Variants in CCNF observed in about 807,000 individuals in gnomAD.
The protein encoded by CCNF is cyclin-F.
CCNF carries 30 observed loss-of-function variants against 85.4 expected under a neutral mutation model. The observed-to-expected ratio is 0.35, with a 90% CI of 0.26 to 0.48. The LOEUF (loss-of-function observed/expected upper bound fraction) is 0.48. CCNF is among the 20% of genes least tolerant of loss of function. The pLI is 0.99. For missense variants in CCNF, 919 were observed against 1,010.4 expected, an observed-to-expected ratio of 0.91 and a Z score of 1.23; for synonymous variants, 439 against 425.1, an observed-to-expected ratio of 1.03 and a Z score of -0.40.
At chr16:2,431,083 A>G (rs1417772737) in intron 1 of CCNF, 47 bp from the exon 2 acceptor site, 4 of 1,591,642 alleles carry the variant, frequency 2.5e-6, no homozygotes. Flanking sequence ...GTGTGTATAT[A>G]GAATAATTTT....
In CCNF at chr16:2,453,181, A is replaced by G. The variant is rs1382811269; in HGVS notation, c.1488-29A>G. On this transcript the variant is annotated intron_variant, in intron 13 of 16. Transcript: ENST00000397066. The surrounding 1 kb of genome is among the most constrained non-coding windows in gnomAD (Gnocchi z 5.6). ...TAAAAATGGGGTGGGGGTGCCTCAC[A>G]TGTCCACTCCACGTGACTCTGTTTC... The G allele has an allele frequency of 6.3e-7, 1 of 1,598,436 alleles. No homozygotes were observed. The highest frequency in any genetic ancestry group is 1.3e-5 in the African/African-American group (1 of 74,616).
At position 2,451,250 on chromosome 16, in the gene CCNF, G is replaced by A. The variant is rs1171500056; in HGVS notation, c.1487+1335G>A. On this transcript the variant is annotated intron_variant, in intron 13 of 16. Transcript: ENST00000397066. This position sits in a 1 kb window ranked among gnomAD's most constrained non-coding sequence, Gnocchi z 4.3. ...CGCGGGGCAGGTGGCGCGGGCGGGG[G>A]CGACTCCCTTCAGGGAGCGTAGCCG... Among the ~76,000 whole-genome samples, 1 of 152,220 alleles carries A rather than the reference G, an allele frequency of 6.6e-6. No individual in the cohort carries two copies. The highest frequency in any genetic ancestry group is 2.4e-5 in the African/African-American group (1 of 41,458).
Position 2,443,699 on chromosome 16 carries a change from G to A in CCNF, c.828G>A (p.Val276=), listed in dbSNP as rs1298189003. ...CANANQLGLE[V]RASSEIVCQL... ...ATGCAAACCAGCTTGGACTGGAGGT[G>A]AGAGCTTCCAGTGAGATCGTCTGCC... Residue 276 remains valine (V), a synonymous_variant, in exon 9 of 17, where the codon GTG becomes GTA. Coordinates refer to ENST00000397066, the MANE Select transcript of CCNF (RefSeq NM_001761.3). The A allele has an allele frequency of 6.2e-7, 1 of 1,613,928 alleles. No homozygotes were observed. The highest frequency in any genetic ancestry group is 8.5e-7 in the Non-Finnish European group (1 of 1,179,800).
rs953595225 is a variant in CCNF at position 2,456,523 on chromosome 16, C to T, written c.1886-22C>T. On this transcript the variant is annotated intron_variant, in intron 16 of 16. Transcript: ENST00000397066. This position sits in a 1 kb window ranked among gnomAD's most constrained non-coding sequence, Gnocchi z 4.5. ...GATGCTTGGGTGTGACATGACTTCCCTCCCCACCAACCTTCCTGCAGTGAC... is the reference window on the plus strand; with the variant it reads ...GATGCTTGGGTGTGACATGACTTCCTTCCCCACCAACCTTCCTGCAGTGAC... The T allele has an allele frequency of 6.7e-7, 1 of 1,497,270 alleles. No individual in the cohort carries two copies. The highest frequency in any genetic ancestry group is 8.9e-7 in the Non-Finnish European group (1 of 1,120,972). 92.7% of individuals were successfully genotyped at this position (1,497,270 alleles called of 1,614,324 possible).
chr16:2,440,217 C>T (rs1416747997), intron 8 of CCNF, among the ~76,000 whole-genome samples: 3 of 152,192 alleles, frequency 2.0e-5, no homozygotes, highest in African/African-American at 7.2e-5. Flanking sequence ...TCCCTTCCTG[C>T]TTCCTCTTCC....
At chr16:2,443,238 A>G (rs937293610) in intron 8 of CCNF, among the ~76,000 whole-genome samples, 5 of 147,814 alleles carry the variant, frequency 3.4e-5, no homozygotes, top group Middle Eastern at 3.5e-3. Flanking sequence ...TTCTGAAAAT[A>G]GCTGTTTTTA....
chr16:2,454,527 G>A (rs930008193), intron 15 of CCNF, among the ~76,000 whole-genome samples: 3 of 152,162 alleles, frequency 2.0e-5, no homozygotes, highest in African/African-American at 7.2e-5. Flanking sequence ...AGACCCCCAC[G>A]GGTGACACTG....
At chr16:2,450,904 A>G (rs748633093) in intron 13 of CCNF, among the ~76,000 whole-genome samples, 19 of 152,150 alleles carry the variant, frequency 1.2e-4, no homozygotes, top group Non-Finnish European at 2.6e-4. Context: ...GCTGGGATAG[A>G]GCTATCCTCT....
rs191346450 is a variant in CCNF, at chr16:2,455,461, C to T, written c.1782C>T (p.Ser594=). The T allele has an allele frequency of 7.2e-4, 1,155 of 1,602,920 alleles. 5 individuals are homozygous for T. The highest frequency in any genetic ancestry group is 2.2e-4 in the Non-Finnish European group (260 of 1,171,330). ...SFVTTPTAEL[S]SQEETLLGSF... Reference sequence around the variant, plus strand: ...TTACCACCCCCACTGCGGAGCTGTCCAGCCAGGAGGAGACGCTGCTGGGCA... The same window carrying T: ...TTACCACCCCCACTGCGGAGCTGTCTAGCCAGGAGGAGACGCTGCTGGGCA... Residue 594 remains serine, a synonymous_variant, in exon 16 of 17, where the codon TCC becomes TCT. Coordinates refer to ENST00000397066, the MANE Select transcript of CCNF (RefSeq NM_001761.3).
At position 2,449,319 on chromosome 16, in the gene CCNF, C is replaced by T. The variant is rs772442115; in HGVS notation, c.1256C>T (p.Thr419Met). 1.8e-5 allele frequency: 29 copies of T among 1,613,788 alleles called. No homozygotes were observed. The highest frequency in any genetic ancestry group is 4.0e-5 in the African/African-American group (3 of 74,948). Residue 419 changes from threonine (T) to methionine (M), a missense_variant, in exon 12 of 17, where the codon ACG (threonine) becomes ATG (methionine). Thr to Met is a moderately conservative substitution (Grantham distance 81). This residue lies in a region of CCNF where 505 missense variants were observed against 514.8 expected (regional missense o/e 0.98). Transcript: ENST00000397066. ...GTGGATTACAAGGAGGTCCTGCTGACGCTAGTCCCTGTGGAGCTGAGAACC... is the reference window on the plus strand; with the variant it reads ...GTGGATTACAAGGAGGTCCTGCTGATGCTAGTCCCTGTGGAGCTGAGAACC... ...TVVDYKEVLLTLVPVELRTQH... is the reference protein window; with the variant it reads ...TVVDYKEVLLMLVPVELRTQH...
intron 9 of CCNF, among the ~76,000 whole-genome samples, chr16:2,444,494 G>C (rs561882999): frequency 6.1e-4 from 91 of 150,220 alleles, no homozygotes; most frequent in African/African-American, 2.0e-3. Flanking sequence ...TAGAGATGGG[G>C]TTTCATCGTA....
chr16:2,431,449 G>A (rs1027392177), intron 2 of CCNF, among the ~76,000 whole-genome samples, 165 bp downstream of exon 2: 4 of 152,150 alleles, frequency 2.6e-5, no homozygotes, highest in Middle Eastern at 3.4e-3. Context: ...AGGCCGAAGG[G>A]GGGTGGATCA....
Position 2,456,720 on chromosome 16 carries a change from C to T in CCNF, c.2061C>T (p.Val687=). The T allele has an allele frequency of 6.2e-7, 1 of 1,612,502 alleles. No homozygotes were observed. The highest frequency in any genetic ancestry group is 8.5e-7 in the Non-Finnish European group (1 of 1,179,200). The change falls in exon 17 of 17, where the codon GTC becomes GTT. Residue 687 remains valine, a synonymous_variant. Coordinates refer to ENST00000397066, the MANE Select transcript of CCNF (RefSeq NM_001761.3). This position sits in a 1 kb window ranked among gnomAD's most constrained non-coding sequence, Gnocchi z 4.5. ...CAACCCCTGGACCCAAACCCCTGGT[C>T]CGCACCAGCCGGGAGCCAGGGAAGG... The part of the protein sequence containing the change: ...IPATPGPKPL[V]RTSREPGKDV...
chr16:2,429,503 T>C lies in CCNF; in HGVS notation c.16+6T>C. 2 of 1,229,922 alleles carry C rather than the reference T, an allele frequency of 1.6e-6. No individual in the cohort carries two copies. Among genetic ancestry groups the C allele is most frequent in the Non-Finnish European group, 2.0e-6 (2 of 986,324 alleles). 76.2% of individuals were successfully genotyped at this position (1,229,922 alleles called of 1,614,324 possible). ...GGCGATGGGGAGCGGCGGCGGTGAG[T>C]GCGGGGCGATGTCCGCTGGTTTCTG... On this transcript the variant is annotated splice_donor_region_variant and intron_variant, in intron 1 of 16. Transcript: ENST00000397066.
At chr16:2,432,705 A>G (rs2065268893) in intron 2 of CCNF, among the ~76,000 whole-genome samples, 1 of 152,080 alleles carries the variant, frequency 6.6e-6, no homozygotes, top group South Asian at 2.1e-4. Context: ...CCTCTTTCTC[A>G]GCCTAGGTGT....
chr16:2,458,785 C>T lies in CCNF; in HGVS notation c.*1765C>T, dbSNP rs1322916627. 7 of 152,304 alleles carry T rather than the reference C, an allele frequency of 4.6e-5. No homozygotes were observed. The highest frequency in any genetic ancestry group is 4.6e-4 in the Admixed American group (7 of 15,284). 9.4% of individuals were successfully genotyped at this position (152,304 alleles called of 1,614,324 possible). A position where few individuals can be genotyped will look rare whatever the true frequency, so the allele number is the denominator to read the frequency against. On this transcript the variant is annotated 3_prime_UTR_variant, in exon 17 of 17. Transcript: ENST00000397066. ...CATGTGTGAGCCTCAGTTTCCTCAT[C>T]TGTAAGGGGGGCAATGATACCTACC...
chr16:2,448,232 G>A (rs1196480276), intron 10 of CCNF, among the ~76,000 whole-genome samples: 2 of 152,232 alleles, frequency 1.3e-5, no homozygotes, highest in Admixed American at 1.3e-4. Flanking sequence ...CACTGATAGA[G>A]CTGTCACGTG....
intron 10 of CCNF, among the ~76,000 whole-genome samples, chr16:2,445,919 G>A (rs950969229): frequency 8.6e-5 from 13 of 151,920 alleles, no homozygotes; most frequent in Non-Finnish European, 1.5e-4. Flanking sequence ...TAGTAGAGAC[G>A]GGGTTTCATC....
intron 7 of CCNF, 123 bp downstream of exon 7, chr16:2,439,580 C>T (rs987609295): frequency 2.2e-6 from 2 of 890,494 alleles, no homozygotes; most frequent in African/African-American, 3.3e-5. Context: ...GGTCTCTCAG[C>T]CTCCGGGAAC....
Sources: allele counts gnomAD v4.1 joint callset (sites outside exome capture counted in the v4.1 genomes callset), GRCh38; gene constraint gnomAD v4.1.1; regional missense constraint gnomAD v4.1.1; non-coding constraint Gnocchi (gnomAD v3.1); transcripts MANE v1.5; gene names NCBI Gene and HGNC (gene_info 2026-07-23, HGNC 2026-07-21).